DPP6: variants seen among roughly 807,000 people sequenced by gnomAD.
DPP6 encodes the protein A-type potassium channel modulatory protein DPP6.
DPP6 carries 69 observed loss-of-function variants against 122.6 expected under a neutral mutation model. That is an observed-to-expected ratio of 0.56 (90% confidence interval 0.46 to 0.69). DPP6 has a LOEUF of 0.69. Among genes scored for constraint, DPP6 ranks in the 30% least tolerant of loss-of-function variants. The probability of loss-of-function intolerance (pLI) is 0.00; values close to 1 mark genes in which losing one functional copy is unlikely to be tolerated. For synonymous variants in DPP6, 418 were observed against 433.1 expected (o/e 0.97, Z 0.43); for missense variants, 928 against 1,116.9 (o/e 0.83, Z 2.41).
chr7:154,658,980 C>A (rs1416784973), intron 6 of DPP6, among the ~76,000 whole-genome samples: 1 of 152,164 alleles, frequency 6.6e-6, no homozygotes, highest in Non-Finnish European at 1.5e-5. Flanking sequence ...TGAGGAAAGC[C>A]ATTCAGTAGG....
chr7:154,068,457 C>G (rs1260180095), intron 1 of DPP6, among the ~76,000 whole-genome samples: 1 of 142,740 alleles, frequency 7.0e-6, no homozygotes, highest in Non-Finnish European at 1.5e-5. Context: ...TCTAAGAAAG[C>G]AAAAAAGGCA....
At chr7:154,093,523 A>G (rs1805042959) in intron 1 of DPP6, among the ~76,000 whole-genome samples, 1 of 129,746 alleles carries the variant, frequency 7.7e-6, no homozygotes, top group Non-Finnish European at 1.6e-5. Flanking sequence ...CACATACACC[A>G]TACATACCCA....
chr7:154,494,773 G>T (rs541607568), intron 3 of DPP6, among the ~76,000 whole-genome samples: 1 of 152,182 alleles, frequency 6.6e-6, no homozygotes, highest in African/African-American at 2.4e-5. Context: ...CCATCAATTT[G>T]CCTCCTCCAA....
chr7:153,976,061 C>T (rs1796284826), intron 1 of DPP6, among the ~76,000 whole-genome samples: 1 of 152,134 alleles, frequency 6.6e-6, no homozygotes. Context: ...TTATTACCTG[C>T]AGTGTGTGAG....
chr7:154,015,585 C>T (rs888877991), intron 1 of DPP6, among the ~76,000 whole-genome samples: 5 of 152,174 alleles, frequency 3.3e-5, no homozygotes, highest in Non-Finnish European at 7.3e-5. Flanking sequence ...CAGTAAATGG[C>T]ACCACCACCA....
chr7:153,833,127 C>T, the DPP6 span, among the ~76,000 whole-genome samples: 2 of 152,154 alleles, frequency 1.3e-5, no homozygotes, highest in East Asian at 1.9e-4. Context: ...CATGGCAATG[C>T]GAAAATGTTG....
chr7:154,114,152 A>G (rs1220115982), intron 1 of DPP6, among the ~76,000 whole-genome samples: 1 of 151,724 alleles, frequency 6.6e-6, no homozygotes, highest in African/African-American at 2.4e-5. Context: ...CCCTCTGGCC[A>G]GTAACAAGAT....
At chr7:154,794,617 CCT>C (rs1797906228) in intron 11 of DPP6, among the ~76,000 whole-genome samples, 2 of 152,232 alleles carry the variant, frequency 1.3e-5, no homozygotes, top group African/African-American at 4.8e-5. Flanking sequence ...GGCGTGCGTC[CCT>C]CCCCACGTCC....
At chr7:154,242,409 AGT>A (rs1491222168) in intron 1 of DPP6, among the ~76,000 whole-genome samples, 1 of 139,252 alleles carries the variant, frequency 7.2e-6, no homozygotes, top group Non-Finnish European at 1.6e-5. Flanking sequence ...TATGTGTGTG[AGT>A]ATATATATAT....
intron 1 of DPP6, among the ~76,000 whole-genome samples, chr7:154,272,848 C>T (rs1803882637): frequency 6.6e-6 from 1 of 152,122 alleles, no homozygotes; most frequent in Non-Finnish European, 1.5e-5. Flanking sequence ...TTCTGTTCAC[C>T]CTCACAGCCA....
intron 5 of DPP6, among the ~76,000 whole-genome samples, chr7:154,581,378 G>A (rs977675642): frequency 2.6e-5 from 4 of 152,132 alleles, no homozygotes; most frequent in Non-Finnish European, 4.4e-5. Flanking sequence ...GAAGAGTAAA[G>A]AGCCTGGAAG....
chr7:154,352,630 A>C (rs1218972424), intron 1 of DPP6, among the ~76,000 whole-genome samples: 1 of 151,918 alleles, frequency 6.6e-6, no homozygotes, highest in Non-Finnish European at 1.5e-5. Context: ...AACAGTGAGA[A>C]CACATGGACA....
intron 1 of DPP6, chr7:154,026,254 TC>T (rs1798951192): frequency 6.6e-6 from 1 of 152,100 alleles, no homozygotes; most frequent in Admixed American, 6.6e-5. Flanking sequence ...CCCGTGAGAC[TC>T]CACTAGCAAA....
intron 18 of DPP6, 115 bp from the exon 19 acceptor site, chr7:154,872,509 C>T (rs1804481923): frequency 1.4e-6 from 2 of 1,420,774 alleles, no homozygotes; most frequent in Non-Finnish European, 1.9e-6. Context: ...TGTCTGTGGG[C>T]TTCCCCTCAG....
chr7:153,913,783 C>G (rs1204931092), intron 1 of DPP6, among the ~76,000 whole-genome samples: 1 of 152,140 alleles, frequency 6.6e-6, no homozygotes, highest in Non-Finnish European at 1.5e-5. Context: ...AGCTCTAGAA[C>G]ATGATGATGT....
At chr7:154,419,605 T>G (rs990349482) in intron 1 of DPP6, among the ~76,000 whole-genome samples, 1 of 152,192 alleles carries the variant, frequency 6.6e-6, no homozygotes, top group African/African-American at 2.4e-5. Flanking sequence ...TCTTCCTTTT[T>G]CTTTCCTTCT....
rs978655202 is a variant in DPP6 at position 154,700,893 on chromosome 7, C to T, written c.763-26874C>T. On this transcript the variant is annotated intron_variant, in intron 7 of 25. Coordinates refer to ENST00000377770, the MANE Select transcript of DPP6 (RefSeq NM_130797.4). ...ATCACACACACAGACCTCATCTGTC[C>T]AGGTAAATGAGATGCCCAGAGACCT... Among the ~76,000 whole-genome samples the T allele has an allele frequency of 2.3e-4, 35 of 152,182 alleles. 1 individual carries two copies. The highest frequency in any genetic ancestry group is 2.2e-3 in the Admixed American group (34 of 15,282).
At chr7:154,230,054 A>G (rs10224664) in intron 1 of DPP6, among the ~76,000 whole-genome samples, 2,391 of 152,270 alleles carry the variant, frequency 0.016, 82 homozygotes, top group African/African-American at 0.055. Flanking sequence ...CATAAAGGAA[A>G]GTTAGAGTTT....
At chr7:154,056,031 T>A (rs1428091371) in intron 1 of DPP6, 1 of 152,116 alleles carries the variant, frequency 6.6e-6, no homozygotes, top group African/African-American at 2.4e-5. Flanking sequence ...CCAAATAAAA[T>A]TTATGGTAGT....
Sources: gnomAD v4.1 joint callset for allele counts (sites outside exome capture counted in the v4.1 genomes callset) on GRCh38, gnomAD v4.1.1 for gene constraint, MANE v1.5 for transcripts, NCBI Gene and HGNC (gene_info 2026-07-23, HGNC 2026-07-21) for gene names.